SH3PXD2A: variants seen among roughly 807,000 people sequenced by gnomAD.
SH3PXD2A encodes SH3 and PX domains 2A.
Under a neutral mutation model 115.2 loss-of-function variants are expected in SH3PXD2A, and 32 were observed. The ratio of observed to expected loss-of-function variants is 0.28; its 90% CI spans 0.21 to 0.37. SH3PXD2A has a LOEUF of 0.37. Among genes scored for constraint, SH3PXD2A ranks in the 10% least tolerant of loss-of-function variants. SH3PXD2A has a pLI of 1.00. For synonymous variants in SH3PXD2A, 610 were observed against 629.1 expected (o/e 0.97, Z 0.45); for missense variants, 1,328 against 1,498.7 (o/e 0.89, Z 1.88).
intron 1 of SH3PXD2A, among the ~76,000 whole-genome samples, chr10:103,824,064 G>A (rs1461711242): frequency 6.6e-6 from 1 of 152,274 alleles, no homozygotes; most frequent in East Asian, 1.9e-4. Context: ...ATTGGCTTGC[G>A]GGGCTATTTT....
At position 103,595,080 on chromosome 10, in the gene SH3PXD2A, A is replaced by G. The variant is rs1381668210; in HGVS notation, c.*6736T>C. The stretch of plus-strand genomic sequence containing the variant: ...AGCTGAGAACCCGGGAGCTGGATGC[A>G]TATATTCTGGAATCAGGGCCTGCAA... On this transcript the variant is annotated 3_prime_UTR_variant, in exon 15 of 15. Transcript: ENST00000369774. 1 of 152,216 alleles carries G rather than the reference A, an allele frequency of 6.6e-6. No individual in the cohort carries two copies. The highest frequency in any genetic ancestry group is 2.4e-5 in the African/African-American group (1 of 41,444). The allele number at this position is 152,216 out of a possible 1,614,324, so 9.4% of individuals were successfully genotyped here.
chr10:103,668,969 C>G (rs2037422473), intron 6 of SH3PXD2A, among the ~76,000 whole-genome samples: 1 of 152,226 alleles, frequency 6.6e-6, no homozygotes, highest in East Asian at 1.9e-4. Context: ...TTATCACAGC[C>G]CTGTACAAGG....
At chr10:103,628,420 G>A (rs529384074) in intron 8 of SH3PXD2A, among the ~76,000 whole-genome samples, 22 of 152,100 alleles carry the variant, frequency 1.4e-4, no homozygotes, top group African/African-American at 2.7e-4. Context: ...CCTGGACCAG[G>A]AGTCTGGACT....
rs542784897 is a variant in SH3PXD2A at position 103,712,886 on chromosome 10, T to C, written c.398+11384A>G. Reference sequence around the variant, plus strand: ...GTGTGGACTTGGAGCTGAAGGGCAATGGCATGAGTCCAGCCTCTGACACTT... The same window carrying C: ...GTGTGGACTTGGAGCTGAAGGGCAACGGCATGAGTCCAGCCTCTGACACTT... On this transcript the variant is annotated intron_variant, in intron 5 of 14. Transcript: ENST00000369774. 3.9e-5 allele frequency among the ~76,000 whole-genome samples: 6 copies of C among 152,298 alleles called. No homozygotes were observed. In the East Asian group the frequency reaches 1.2e-3, roughly 29 times the overall value.
At chr10:103,678,010 G>GAACA in intron 6 of SH3PXD2A, 1 of 762,334 alleles carries the variant, frequency 1.3e-6, no homozygotes. Context: ...CGAGCCTGCA[G>GAACA]AACACCCTGA....
chr10:103,735,472 T>C (rs117972231), intron 4 of SH3PXD2A, among the ~76,000 whole-genome samples: 2 of 152,262 alleles, frequency 1.3e-5, no homozygotes, highest in Non-Finnish European at 2.9e-5. Flanking sequence ...CCAGAGGAAG[T>C]GACTTAAAAC....
chr10:103,709,151 G>T (rs2038017670), intron 5 of SH3PXD2A, among the ~76,000 whole-genome samples: 1 of 151,948 alleles, frequency 6.6e-6, no homozygotes, highest in Admixed American at 6.6e-5. Flanking sequence ...GCTCCTACTG[G>T]GATCTTCTCA....
At chr10:103,704,629 C>G (rs981427900) in intron 5 of SH3PXD2A, among the ~76,000 whole-genome samples, 3 of 152,230 alleles carry the variant, frequency 2.0e-5, no homozygotes, top group African/African-American at 7.2e-5. Context: ...AGGGCAGTGG[C>G]TGCCATGCTC....
At chr10:103,725,670 T>C (rs2038232171) in intron 4 of SH3PXD2A, among the ~76,000 whole-genome samples, 1 of 151,358 alleles carries the variant, frequency 6.6e-6, no homozygotes. Flanking sequence ...CTACGAAAAA[T>C]ACAAAAATTA....
intron 6 of SH3PXD2A, among the ~76,000 whole-genome samples, chr10:103,674,046 G>A (rs993045763): frequency 6.6e-6 from 1 of 152,184 alleles, no homozygotes; most frequent in Non-Finnish European, 1.5e-5. Context: ...TTACCTCATT[G>A]CAGTTTTGAA....
intron 5 of SH3PXD2A, among the ~76,000 whole-genome samples, chr10:103,695,332 AG>A (rs2037812103): frequency 6.6e-6 from 1 of 152,094 alleles, no homozygotes; most frequent in South Asian, 2.1e-4. Flanking sequence ...CAACATAGTG[AG>A]ACCCCCTATC....
chr10:103,640,852 C>T (rs186065222), intron 8 of SH3PXD2A, among the ~76,000 whole-genome samples: 40 of 152,172 alleles, frequency 2.6e-4, no homozygotes, highest in Admixed American at 9.8e-4. Context: ...CTGGTGGGCC[C>T]GGGATGTGTC....
rs1306092570 is a variant in SH3PXD2A at position 103,666,350 on chromosome 10, T to G, written c.472+2258A>C. On this transcript the variant is annotated intron_variant, in intron 7 of 14. Transcript: ENST00000369774. The surrounding 1 kb of genome is among the most constrained non-coding windows in gnomAD (Gnocchi z 4.5). The stretch of plus-strand genomic sequence containing the variant: ...CCCTGCTGGAATGCTTTCCCTTCTC[T>G]CTACCAATCCCAGTTTCCCAATTCT... 1.3e-5 allele frequency among the ~76,000 whole-genome samples: 2 copies of G among 152,210 alleles called. No individual in the cohort carries two copies. Among genetic ancestry groups the G allele is most frequent in the East Asian group, 3.8e-4 (2 of 5,198 alleles).
chr10:103,612,786 C>G, intron 12 of SH3PXD2A, 67 bp downstream of exon 12: 1 of 1,216,770 alleles, frequency 8.2e-7, no homozygotes, highest in Non-Finnish European at 1.1e-6. Flanking sequence ...CCCTGGCTTT[C>G]ACGGCACCCA....
intron 13 of SH3PXD2A, among the ~76,000 whole-genome samples, chr10:103,607,844 G>A (rs2036348831): frequency 6.6e-6 from 1 of 152,134 alleles, no homozygotes; most frequent in Non-Finnish European, 1.5e-5. Context: ...GTTGATCTGT[G>A]ACCTTACCCC....
rs542539301 is a variant in SH3PXD2A at position 103,609,237 on chromosome 10, G to A, written c.1308+2344C>T. The A allele has an allele frequency of 2.6e-5, 4 of 152,236 alleles. No individual in the cohort carries two copies. The East Asian group carries it at 7.7e-4, about 29-fold the overall frequency. The allele number at this position is 152,236 out of a possible 1,614,324, so 9.4% of individuals were successfully genotyped here. On this transcript the variant is annotated intron_variant, in intron 13 of 14. Coordinates refer to ENST00000369774, the MANE Select transcript of SH3PXD2A (RefSeq NM_001394015.1). ...CACTTGCACACTGCCCTGTGGGAGA[G>A]GAAGGAAAGCCACTGTCCTGGAGTC...
At chr10:103,811,058 A>C in intron 1 of SH3PXD2A, among the ~76,000 whole-genome samples, 1 of 152,192 alleles carries the variant, frequency 6.6e-6, no homozygotes, top group East Asian at 1.9e-4. Flanking sequence ...TCTGCTGCCC[A>C]GGGCTGGGAA....
At chr10:103,729,887 T>C (rs1564874874) in intron 4 of SH3PXD2A, among the ~76,000 whole-genome samples, 1 of 152,188 alleles carries the variant, frequency 6.6e-6, no homozygotes, top group Non-Finnish European at 1.5e-5. Flanking sequence ...ATGGGGGCCA[T>C]GACATGAGCC....
chr10:103,691,007 G>A (rs1044182208), intron 6 of SH3PXD2A, among the ~76,000 whole-genome samples: 62 of 152,346 alleles, frequency 4.1e-4, no homozygotes, highest in African/African-American at 1.5e-3. Flanking sequence ...CTTTCCCTGG[G>A]GGAGGCAGCC....
Sources: gnomAD v4.1 joint callset for allele counts (sites outside exome capture counted in the v4.1 genomes callset) on GRCh38, gnomAD v4.1.1 for gene constraint, Gnocchi (gnomAD v3.1) non-coding constraint, MANE v1.5 for transcripts, NCBI Gene and HGNC (gene_info 2026-07-23, HGNC 2026-07-21) for gene names.